DNAJC21: variants seen among roughly 807,000 people sequenced by gnomAD.
DNAJC21 encodes the protein DnaJ heat shock protein family (Hsp40) member C21.
In DNAJC21, 63 loss-of-function variants were observed where a neutral mutation model predicts 72.4. The observed-to-expected ratio is 0.87, with a 90% CI of 0.71 to 1.07. DNAJC21 has a LOEUF of 1.07. Among genes scored for constraint, DNAJC21 ranks in the 50% least tolerant of loss-of-function variants. DNAJC21 has a pLI of 0.00. For missense variants in DNAJC21, 634 were observed against 644.8 expected (o/e 0.98, Z 0.18); for synonymous variants, 203 against 216.7 (o/e 0.94, Z 0.56).
rs1258961147 is a variant in DNAJC21 at position 34,935,959 on chromosome 5, G to GCATT, written c.315+127_315+130dup. 2.1e-6 allele frequency: 3 copies of GCATT among 1,425,824 alleles called. No homozygotes were observed. In the African/African-American group the frequency reaches 4.3e-5, roughly 20 times the overall value. 88.3% of individuals were successfully genotyped at this position (1,425,824 alleles called of 1,614,324 possible). The stretch of plus-strand genomic sequence containing the variant: ...AGTGTTCATTTTGAAAACTGAAGAT[G>GCATT]CATTGCCTTCATGTTTAAGCTGTCA... On this transcript the variant is annotated intron_variant, in intron 3 of 11. Coordinates refer to ENST00000648817, the MANE Select transcript of DNAJC21 (RefSeq NM_001012339.3).
intron 10 of DNAJC21, among the ~76,000 whole-genome samples, chr5:34,953,274 T>C (rs1765435999): frequency 6.6e-6 from 1 of 152,000 alleles, no homozygotes; most frequent in Admixed American, 6.5e-5. Flanking sequence ...GCTTTTTTTT[T>C]TCCCCCTGAA....
At chr5:34,948,737 C>A in intron 9 of DNAJC21, among the ~76,000 whole-genome samples, 1 of 152,014 alleles carries the variant, frequency 6.6e-6, no homozygotes, top group Middle Eastern at 3.4e-3. Flanking sequence ...TGGTGCCATG[C>A]GCCTGTAATT....
At chr5:34,941,216 G>C (rs748191048) in intron 7 of DNAJC21, 33 bp downstream of exon 7, 8 of 1,589,488 alleles carry the variant, frequency 5.0e-6, no homozygotes, top group Non-Finnish European at 6.9e-6. Context: ...ATTTAATTTT[G>C]AGACAGGGTC....
chr5:34,953,326 A>G (rs545858379), intron 10 of DNAJC21, among the ~76,000 whole-genome samples: 11 of 151,842 alleles, frequency 7.2e-5, no homozygotes, highest in African/African-American at 2.2e-4. Context: ...CAGTGGTGCA[A>G]TCTTGGCTCA....
Position 34,933,901 on chromosome 5 carries a change from A to G in DNAJC21, c.184A>G (p.Arg62Gly). ...TGATGTGTTGAGTGACCCTCAGGAA[A>G]GAGCATGGTGAGCATCACGCTGTCC... ...AYDVLSDPQERAWYDNHREAL... is the reference protein window; with the variant it reads ...AYDVLSDPQEGAWYDNHREAL... Residue 62 changes from arginine (R) to glycine (G), a missense_variant, in exon 2 of 12, where the codon AGA becomes GGA. Coordinates refer to ENST00000648817, the MANE Select transcript of DNAJC21 (RefSeq NM_001012339.3). The G allele has an allele frequency of 1.2e-6, 2 of 1,613,808 alleles. No individual in the cohort carries two copies. The highest frequency in any genetic ancestry group is 1.7e-6 in the Non-Finnish European group (2 of 1,179,830).
chr5:34,934,871 A>G (rs141646309), intron 2 of DNAJC21, among the ~76,000 whole-genome samples: 16 of 152,338 alleles, frequency 1.1e-4, no homozygotes, highest in African/African-American at 3.6e-4. Context: ...GTTTCATAAG[A>G]AACTCAGAGA....
chr5:34,951,109 G>A (rs1035327040), intron 10 of DNAJC21: 2 of 985,478 alleles, frequency 2.0e-6, no homozygotes, highest in Non-Finnish European at 2.4e-6. Flanking sequence ...CGGAGTTTAA[G>A]GCACTTAGTA....
chr5:34,934,440 A>G (rs181225353), intron 2 of DNAJC21, among the ~76,000 whole-genome samples: 72 of 150,450 alleles, frequency 4.8e-4, no homozygotes, highest in Middle Eastern at 3.4e-3. Flanking sequence ...CATGTTGGCC[A>G]GGCTGGTCTC....
intron 10 of DNAJC21, chr5:34,951,279 C>G (rs1033731412): frequency 1.0e-6 from 1 of 985,444 alleles, no homozygotes; most frequent in Non-Finnish European, 1.2e-6. Flanking sequence ...CACTCTGACA[C>G]CAGGTGTTTG....
intron 1 of DNAJC21, among the ~76,000 whole-genome samples, chr5:34,933,249 G>A (rs1764659586): frequency 6.6e-6 from 1 of 151,902 alleles, no homozygotes; most frequent in African/African-American, 2.4e-5. Flanking sequence ...TTTTCCTTTT[G>A]TGGATATCCA....
At chr5:34,934,332 G>A (rs189471122) in intron 2 of DNAJC21, among the ~76,000 whole-genome samples, 2 of 151,860 alleles carry the variant, frequency 1.3e-5, no homozygotes, top group Non-Finnish European at 2.9e-5. Flanking sequence ...AGGTTCAAGC[G>A]ATTCTCCTGC....
In DNAJC21 at chr5:34,950,352, AG is replaced by A; in HGVS notation, c.1358+11del. On this transcript the variant is annotated intron_variant, in intron 10 of 11. Coordinates refer to ENST00000648817, the MANE Select transcript of DNAJC21 (RefSeq NM_001012339.3). ...AAAGTGAAGCTAAAAGGTAAGTCAA[AG>A]TTGCATATTATTTGTAAATTACTGA... The A allele has an allele frequency of 1.9e-6, 3 of 1,604,534 alleles. No individual in the cohort carries two copies. The highest frequency in any genetic ancestry group is 1.7e-4 in the Middle Eastern group (1 of 6,014).
At chr5:34,948,547 T>C (rs1765246553) in intron 9 of DNAJC21, among the ~76,000 whole-genome samples, 1 of 152,144 alleles carries the variant, frequency 6.6e-6, no homozygotes, top group African/African-American at 2.4e-5. Flanking sequence ...TAAAAAGAAA[T>C]TTATGTATCT....
At chr5:34,933,107 C>A (rs527912348) in intron 1 of DNAJC21, among the ~76,000 whole-genome samples, 4 of 152,136 alleles carry the variant, frequency 2.6e-5, no homozygotes, top group African/African-American at 9.6e-5. Context: ...TATGAGATTT[C>A]TTTTGATATA....
At chr5:34,952,200 ACTGT>A in intron 10 of DNAJC21, 1 of 984,996 alleles carries the variant, frequency 1.0e-6, no homozygotes, top group Non-Finnish European at 1.2e-6. Context: ...CAGAGATGTA[ACTGT>A]CTTTCATAAT....
chr5:34,935,992 A>G (rs1764758529), intron 3 of DNAJC21, 152 bp from the exon 4 acceptor site: 5 of 1,401,118 alleles, frequency 3.6e-6, no homozygotes, highest in Non-Finnish European at 4.8e-6. Flanking sequence ...TCAGTGTATA[A>G]AAACCTCTAG....
Position 34,954,994 on chromosome 5 carries a change from A to G in DNAJC21, c.*280A>G. The G allele has an allele frequency of 4.5e-6, 1 of 222,104 alleles. No homozygotes were observed. 13.8% of individuals were successfully genotyped at this position (222,104 alleles called of 1,614,324 possible). On this transcript the variant is annotated 3_prime_UTR_variant, in exon 12 of 12. Transcript: ENST00000648817. ...TTGATGTTTATTGGCTCATGTGGAC[A>G]GAAATGTACAGGGAGAATTACATTA...
At chr5:34,951,160 G>GA (rs1765352341) in intron 10 of DNAJC21, 1 of 985,314 alleles carries the variant, frequency 1.0e-6, no homozygotes, top group South Asian at 4.7e-5. Flanking sequence ...CCTACAGTAT[G>GA]ACTCTGGCTA....
chr5:34,952,540 T>A (rs1442420442), intron 10 of DNAJC21: 2 of 152,722 alleles, frequency 1.3e-5, no homozygotes, highest in African/African-American at 2.4e-5. Context: ...GACCCAGATT[T>A]TTACCCTATG....
Sources: gnomAD v4.1 joint callset for allele counts (sites outside exome capture counted in the v4.1 genomes callset) on GRCh38, gnomAD v4.1.1 for gene constraint, MANE v1.5 for transcripts, NCBI Gene and HGNC (gene_info 2026-07-23, HGNC 2026-07-21) for gene names.